Variants in EPS8 observed in about 807,000 individuals in gnomAD.
The protein encoded by EPS8 is epidermal growth factor receptor kinase substrate 8.
In EPS8, 42 loss-of-function variants were observed where a neutral mutation model predicts 103.8. The observed-to-expected ratio is 0.40, with a 90% confidence interval of 0.32 to 0.52. The LOEUF (loss-of-function observed/expected upper bound fraction) is 0.52. Among genes scored for constraint, EPS8 ranks in the 20% least tolerant of loss-of-function variants. The pLI is 0.40. For missense variants in EPS8, 969 were observed against 1,005.1 expected (o/e 0.96, Z 0.49); for synonymous variants, 344 against 344.6 (o/e 1.00, Z 0.02).
intron 1 of EPS8, chr12:15,683,308 T>C (rs1946041060): frequency 6.2e-6 from 1 of 161,762 alleles, no homozygotes; most frequent in Non-Finnish European, 1.3e-5. Context: ...TATGAGATGT[T>C]ATTTTGTTTA....
intron 14 of EPS8, among the ~76,000 whole-genome samples, chr12:15,649,363 A>C (rs1054483420): frequency 2.6e-5 from 4 of 152,206 alleles, no homozygotes; most frequent in Admixed American, 2.6e-4. Context: ...ATAAGCTAGA[A>C]ATTTTTATGA....
chr12:15,632,522 T>A lies in EPS8; in HGVS notation c.1822-858A>T, dbSNP rs143643345. ...AATTCTCAAAAGGCACATTTTCTTT[T>A]TAGAATCAAAGATACAGGACAATTA... On this transcript the variant is annotated intron_variant, in intron 17 of 20. Transcript: ENST00000281172. Among the ~76,000 whole-genome samples, 238 of 152,318 alleles carry A rather than the reference T, an allele frequency of 1.6e-3. 3 individuals are homozygous for A. The highest frequency in any genetic ancestry group is 5.4e-3 in the African/African-American group (223 of 41,564).
At chr12:15,732,303 T>G (rs1172484264) in intron 1 of EPS8, among the ~76,000 whole-genome samples, 1 of 152,188 alleles carries the variant, frequency 6.6e-6, no homozygotes, top group Non-Finnish European at 1.5e-5. Flanking sequence ...AGCCCATTAG[T>G]ACAAAACTCC....
chr12:15,626,729 A>G (rs368539080), intron 18 of EPS8, among the ~76,000 whole-genome samples: 1 of 151,256 alleles, frequency 6.6e-6, no homozygotes, highest in East Asian at 1.9e-4. Flanking sequence ...GCCCTACAAG[A>G]CCTCCACCAC....
At chr12:15,651,377 T>C (rs544504715) in intron 13 of EPS8, among the ~76,000 whole-genome samples, 9 of 152,240 alleles carry the variant, frequency 5.9e-5, no homozygotes, top group South Asian at 2.1e-4. Flanking sequence ...TTCTCTAACA[T>C]TTAAAGTAGT....
Position 15,706,443 on chromosome 12 carries a change from C to A in EPS8, c.-21-23471G>T, listed in dbSNP as rs1946388140. 1.0e-5 allele frequency among the ~76,000 whole-genome samples: 1 copy of A among 98,260 alleles called. No individual in the cohort carries two copies. Among genetic ancestry groups the A allele is most frequent in the Non-Finnish European group, 2.2e-5 (1 of 46,240 alleles). The allele number at this position is 98,260 out of a possible 152,430, so 64.5% of individuals were successfully genotyped here. A position where few individuals can be genotyped will look rare whatever the true frequency, so the allele number is the denominator to read the frequency against. On this transcript the variant is annotated intron_variant, in intron 1 of 20. Transcript: ENST00000281172. The surrounding 1 kb of genome is among the most constrained non-coding windows in gnomAD (Gnocchi z 5.2). ...TCTTGTATCTCAGCTTAAATGGCCC[C>A]TTCTTGGGAAACCATTCCCTGACTC...
intron 1 of EPS8, among the ~76,000 whole-genome samples, chr12:15,758,832 G>C (rs1947013765): frequency 1.3e-5 from 2 of 152,302 alleles, no homozygotes; most frequent in South Asian, 4.1e-4. Context: ...GTGATGAAGT[G>C]CCTTAATGTC....
intron 2 of EPS8, 56 bp downstream of exon 2, chr12:15,682,837 A>C: frequency 1.1e-6 from 1 of 950,396 alleles, no homozygotes; most frequent in Non-Finnish European, 1.7e-6. Context: ...TAAAACAATT[A>C]AAATCACCAA....
rs927719926 is a variant in EPS8, at chr12:15,688,613, C to A, written c.-21-5641G>T. Among the ~76,000 whole-genome samples the A allele has an allele frequency of 3.9e-5, 6 of 152,248 alleles. No individual in the cohort carries two copies. The highest frequency in any genetic ancestry group is 1.4e-4 in the African/African-American group (6 of 41,554). ...GCACTAGCATGCTGCAGGCCACTAA[C>A]CAGCAGAATGACGCGGAATTTGGAG... On this transcript the variant is annotated intron_variant, in intron 1 of 20. Transcript: ENST00000281172. This position sits in a 1 kb window ranked among gnomAD's most constrained non-coding sequence, Gnocchi z 5.1.
rs1030447708 is a variant in EPS8, at chr12:15,736,648, T to C, written c.-22+52513A>G. ...CGCAGCAGGTTAGAAGCATTAAATTTGAATTTAGGAAGCTAGGGTTGCTAG... is the reference window on the plus strand; with the variant it reads ...CGCAGCAGGTTAGAAGCATTAAATTCGAATTTAGGAAGCTAGGGTTGCTAG... On this transcript the variant is annotated intron_variant, in intron 1 of 20. Transcript: ENST00000281172. The surrounding 1 kb of genome is among the most constrained non-coding windows in gnomAD (Gnocchi z 4.2). Among the ~76,000 whole-genome samples the C allele has an allele frequency of 3.3e-5, 5 of 152,208 alleles. No individual in the cohort carries two copies. Among genetic ancestry groups the C allele is most frequent in the Non-Finnish European group, 7.3e-5 (5 of 68,030 alleles).
In EPS8 at chr12:15,778,796, T is replaced by C. The variant is rs769644330; in HGVS notation, c.-22+10365A>G. Among the ~76,000 whole-genome samples, 17 of 152,176 alleles carry C rather than the reference T, an allele frequency of 1.1e-4. No individual in the cohort carries two copies. Among genetic ancestry groups the C allele is most frequent in the Non-Finnish European group, 2.2e-4 (15 of 68,032 alleles). ...GGGGGAATAAAGGTAGTAAATCTAC[T>C]TAAAGGTAGTGTTTTCATTTCTTCC... On this transcript the variant is annotated intron_variant, in intron 1 of 20. Transcript: ENST00000281172. This position sits in a 1 kb window ranked among gnomAD's most constrained non-coding sequence, Gnocchi z 4.5.
intron 1 of EPS8, among the ~76,000 whole-genome samples, chr12:15,705,219 AGTAGGACTC>A (rs1311263639): frequency 7.2e-5 from 11 of 152,208 alleles, no homozygotes; most frequent in Non-Finnish European, 1.5e-4. Context: ...AGTCAAACAG[AGTAGGACTC>A]CTTGCTTCAC....
chr12:15,694,626 T>C (rs1946219207), intron 1 of EPS8, among the ~76,000 whole-genome samples: 1 of 152,198 alleles, frequency 6.6e-6, no homozygotes, highest in Non-Finnish European at 1.5e-5. Flanking sequence ...TGGGAACAAA[T>C]TATTCGTGGA....
chr12:15,624,214 C>T lies in EPS8; in HGVS notation c.2225+13G>A, dbSNP rs1776481176. ...TACACACAGAATTGCAAAGTATTCA[C>T]AGAGAGACTCACACAGGGTTGAATC... On this transcript the variant is annotated intron_variant, in intron 19 of 20. Coordinates refer to ENST00000281172, the MANE Select transcript of EPS8 (RefSeq NM_004447.6). The T allele has an allele frequency of 1.2e-6, 2 of 1,609,450 alleles. No homozygotes were observed. The highest frequency in any genetic ancestry group is 8.5e-7 in the Non-Finnish European group (1 of 1,176,936).
At chr12:15,715,308 C>T (rs773618191) in intron 1 of EPS8, among the ~76,000 whole-genome samples, 25 of 152,094 alleles carry the variant, frequency 1.6e-4, no homozygotes, top group Non-Finnish European at 3.2e-4. Context: ...CCCAACATCC[C>T]CCTTGGCCCA....
intron 3 of EPS8, among the ~76,000 whole-genome samples, chr12:15,680,237 T>C (rs1279357406): frequency 6.6e-6 from 1 of 152,236 alleles, no homozygotes; most frequent in African/African-American, 2.4e-5. Context: ...TAGAATTGTT[T>C]ATTCTTACAA....
At chr12:15,739,584 A>G (rs894471067) in intron 1 of EPS8, among the ~76,000 whole-genome samples, 4 of 152,080 alleles carry the variant, frequency 2.6e-5, no homozygotes, top group Non-Finnish European at 5.9e-5. Context: ...TGGATGTTAG[A>G]ACTCCAGGGT....
intron 1 of EPS8, among the ~76,000 whole-genome samples, chr12:15,686,260 G>T (rs1268493560): frequency 6.6e-6 from 1 of 152,016 alleles, no homozygotes; most frequent in African/African-American, 2.4e-5. Flanking sequence ...CTTTATTTTA[G>T]AATATATAAT....
chr12:15,674,159 C>T (rs1945863336), intron 3 of EPS8, among the ~76,000 whole-genome samples: 1 of 152,022 alleles, frequency 6.6e-6, no homozygotes. Flanking sequence ...CACTTAATTC[C>T]CTTTCACATG....
Sources: gnomAD v4.1 joint callset for allele counts (sites outside exome capture counted in the v4.1 genomes callset) on GRCh38, gnomAD v4.1.1 for gene constraint, Gnocchi (gnomAD v3.1) non-coding constraint, MANE v1.5 for transcripts, NCBI Gene and HGNC (gene_info 2026-07-23, HGNC 2026-07-21) for gene names.